Variants in SH3GL2 observed in about 807,000 individuals in gnomAD.
SH3GL2 encodes the protein SH3 domain containing GRB2 like 2, endophilin A1.
A neutral mutation model predicts 46.0 loss-of-function variants in SH3GL2; 24 were observed. That is an observed-to-expected ratio of 0.52 (90% CI 0.38 to 0.73). The LOEUF is 0.73. Among genes scored for constraint, SH3GL2 ranks in the 30% least tolerant of loss-of-function variants. SH3GL2 has a pLI of 0.00. For synonymous variants in SH3GL2, 196 were observed against 147.1 expected, an observed-to-expected ratio of 1.33 and a Z score of -2.40; for missense variants, 413 against 424.2, an observed-to-expected ratio of 0.97 and a Z score of 0.23.
chr9:17,784,405 G>A (rs1342875323), intron 3 of SH3GL2, among the ~76,000 whole-genome samples: 2 of 152,052 alleles, frequency 1.3e-5, no homozygotes, highest in Non-Finnish European at 2.9e-5. Context: ...GGCCTGAATA[G>A]GATTTGTAGG....
intron 1 of SH3GL2, among the ~76,000 whole-genome samples, chr9:17,736,102 G>C (rs1182358677): frequency 1.3e-5 from 2 of 152,092 alleles, no homozygotes; most frequent in East Asian, 1.9e-4. Context: ...ATCTGTCAGT[G>C]CATAGCCTTC....
chr9:17,649,998 A>G (rs1202181128), intron 1 of SH3GL2, among the ~76,000 whole-genome samples: 2 of 152,240 alleles, frequency 1.3e-5, no homozygotes, highest in Non-Finnish European at 2.9e-5. Context: ...AAAAGCCTTC[A>G]TAACCACCAG....
At position 17,795,812 on chromosome 9, in the gene SH3GL2, C is replaced by A; in HGVS notation, c.*69C>A. The A allele has an allele frequency of 8.0e-7, 1 of 1,253,636 alleles. No individual in the cohort carries two copies. Among genetic ancestry groups the A allele is most frequent in the Non-Finnish European group, 1.1e-6 (1 of 875,860 alleles). The allele number at this position is 1,253,636 out of a possible 1,614,324, so 77.7% of individuals were successfully genotyped here. On this transcript the variant is annotated 3_prime_UTR_variant, in exon 9 of 9. Coordinates refer to ENST00000380607, the MANE Select transcript of SH3GL2 (RefSeq NM_003026.5). ...ACGGTTAACCACTGCTTTGGCAATG[C>A]TGCTTATAACACATCCCAAGTGCAG...
rs1392295839 is a variant in SH3GL2 at position 17,579,106 on chromosome 9, T to G, written c.-137T>G. On this transcript the variant is annotated 5_prime_UTR_variant, in exon 1 of 9. Transcript: ENST00000380607. ...CGCAAGAGCCCGTGTCCCGCTAGGC[T>G]CCGCGCCCTCGCGCCCATAGCCCCG... 2 of 524,786 alleles carry G rather than the reference T, an allele frequency of 3.8e-6. No individual in the cohort carries two copies. Among genetic ancestry groups the G allele is most frequent in the Non-Finnish European group, 6.4e-6 (2 of 311,734 alleles). 32.5% of individuals were successfully genotyped at this position (524,786 alleles called of 1,614,324 possible). A position where few individuals can be genotyped will look rare whatever the true frequency, so the allele number is the denominator to read the frequency against.
chr9:17,607,647 T>G (rs1818785144), intron 1 of SH3GL2, among the ~76,000 whole-genome samples: 1 of 152,246 alleles, frequency 6.6e-6, no homozygotes. Flanking sequence ...AAGTATTTTT[T>G]ACATGGTTCA....
intron 1 of SH3GL2, among the ~76,000 whole-genome samples, chr9:17,730,414 T>C (rs1479543665): frequency 6.6e-6 from 1 of 152,138 alleles, no homozygotes; most frequent in Non-Finnish European, 1.5e-5. Flanking sequence ...GCAGAGACAG[T>C]TTGAATTCGT....
chr9:17,726,629 T>C (rs959995023), intron 1 of SH3GL2, among the ~76,000 whole-genome samples: 1 of 152,044 alleles, frequency 6.6e-6, no homozygotes, highest in Non-Finnish European at 1.5e-5. Context: ...CAAACAACAG[T>C]AGCAGCAACA....
intron 3 of SH3GL2, among the ~76,000 whole-genome samples, chr9:17,779,436 G>A (rs982244486): frequency 6.6e-6 from 1 of 152,104 alleles, no homozygotes; most frequent in Non-Finnish European, 1.5e-5. Context: ...TTTCCTGTTA[G>A]TAACTATGAG....
At chr9:17,669,720 G>T (rs868353581) in intron 1 of SH3GL2, among the ~76,000 whole-genome samples, 1 of 152,112 alleles carries the variant, frequency 6.6e-6, no homozygotes, top group South Asian at 2.1e-4. Flanking sequence ...TATGATCACA[G>T]GTTTTTGTGT....
chr9:17,581,670 A>C (rs1006758044), intron 1 of SH3GL2, among the ~76,000 whole-genome samples: 2 of 152,056 alleles, frequency 1.3e-5, no homozygotes, highest in Non-Finnish European at 2.9e-5. Context: ...GATGTGCTGG[A>C]TAATATAGCC....
chr9:17,759,729 A>G (rs898937647), intron 2 of SH3GL2, among the ~76,000 whole-genome samples: 1 of 152,160 alleles, frequency 6.6e-6, no homozygotes, highest in Admixed American at 6.5e-5. Context: ...TTAACAGCAG[A>G]TGACATCAGG....
intron 1 of SH3GL2, among the ~76,000 whole-genome samples, chr9:17,700,563 C>T (rs971552613): frequency 2.6e-5 from 4 of 152,124 alleles, no homozygotes; most frequent in African/African-American, 9.7e-5. Flanking sequence ...CAGTTATTTT[C>T]TTATCTTTTG....
chr9:17,660,135 T>C (rs1004693375), intron 1 of SH3GL2, among the ~76,000 whole-genome samples: 3 of 152,244 alleles, frequency 2.0e-5, no homozygotes, highest in African/African-American at 7.2e-5. Context: ...AGATGTATGC[T>C]AAATGCCTGG....
At chr9:17,653,324 T>C (rs995906074) in intron 1 of SH3GL2, among the ~76,000 whole-genome samples, 2 of 152,188 alleles carry the variant, frequency 1.3e-5, no homozygotes, top group Non-Finnish European at 2.9e-5. Context: ...TTGACTGTTA[T>C]TTCTTCAATA....
chr9:17,764,252 C>A (rs1287031260), intron 3 of SH3GL2, among the ~76,000 whole-genome samples: 2 of 152,178 alleles, frequency 1.3e-5, no homozygotes, highest in African/African-American at 4.8e-5. Flanking sequence ...TTTGTGTAAT[C>A]ATTCCACAGA....
intron 1 of SH3GL2, among the ~76,000 whole-genome samples, chr9:17,697,464 C>T (rs112805434): frequency 0.034 from 5,196 of 152,036 alleles, 215 homozygotes; most frequent in East Asian, 0.097. Flanking sequence ...CCTCGTGATC[C>T]GCCCACCTTG....
chr9:17,768,856 C>T (rs550926637), intron 3 of SH3GL2, among the ~76,000 whole-genome samples: 2 of 152,318 alleles, frequency 1.3e-5, no homozygotes, highest in East Asian at 1.9e-4. Flanking sequence ...TTCCCCTCAA[C>T]AAATCTCTTG....
At chr9:17,760,720 G>A (rs950504905) in intron 2 of SH3GL2, among the ~76,000 whole-genome samples, 2 of 152,156 alleles carry the variant, frequency 1.3e-5, no homozygotes, top group African/African-American at 4.8e-5. Context: ...CATGTAGGGC[G>A]AATAGGAGGC....
chr9:17,638,702 G>A lies in SH3GL2; in HGVS notation c.45+59415G>A, dbSNP rs150919120. ...GGCCATACCACCAGCCTCTACTGTG[G>A]TTACCCTGCCCTTGGAGCTAATATC... On this transcript the variant is annotated intron_variant, in intron 1 of 8. Coordinates refer to ENST00000380607, the MANE Select transcript of SH3GL2 (RefSeq NM_003026.5). 2.2e-3 allele frequency among the ~76,000 whole-genome samples: 333 copies of A among 152,302 alleles called. 2 individuals carry two copies. Among genetic ancestry groups the A allele is most frequent in the Middle Eastern group, 0.014 (4 of 294 alleles).
Sources: gnomAD v4.1 joint callset for allele counts (sites outside exome capture counted in the v4.1 genomes callset) on GRCh38, gnomAD v4.1.1 for gene constraint, MANE v1.5 for transcripts, NCBI Gene and HGNC (gene_info 2026-07-23, HGNC 2026-07-21) for gene names.